PTPRD: variants seen among roughly 807,000 people sequenced by gnomAD.
PTPRD encodes the protein receptor-type tyrosine-protein phosphatase delta.
A neutral mutation model predicts 214.5 loss-of-function variants in PTPRD; 34 were observed. The ratio of observed to expected loss-of-function variants is 0.16; its 90% confidence interval spans 0.12 to 0.21. PTPRD has a LOEUF of 0.21. Among genes scored for constraint, PTPRD ranks in the 10% least tolerant of loss-of-function variants. The probability of loss-of-function intolerance (pLI) is 1.00; values close to 1 mark genes in which losing one functional copy is unlikely to be tolerated. For missense variants in PTPRD, 2,545 were observed against 2,398.7 expected, an observed-to-expected ratio of 1.06 and a Z score of -1.27; for synonymous variants, 1,128 against 845.7, an observed-to-expected ratio of 1.33 and a Z score of -5.79.
chr9:8,983,064 G>A (rs1202461742), intron 11 of PTPRD, among the ~76,000 whole-genome samples: 3 of 151,768 alleles, frequency 2.0e-5, no homozygotes, highest in Non-Finnish European at 2.9e-5. Context: ...CTATTTGATG[G>A]GATACACTTT....
intron 2 of PTPRD, among the ~76,000 whole-genome samples, chr9:10,359,599 C>T (rs1271226727): frequency 1.3e-5 from 2 of 152,080 alleles, no homozygotes; most frequent in Non-Finnish European, 2.9e-5. Context: ...GGAAGAAAAG[C>T]AGTATTAACT....
At chr9:10,372,771 CA>C (rs1210161745) in intron 2 of PTPRD, among the ~76,000 whole-genome samples, 2 of 151,676 alleles carry the variant, frequency 1.3e-5, no homozygotes, top group African/African-American at 4.8e-5. Flanking sequence ...AATCTCATTA[CA>C]AAGTGTGACT....
chr9:9,570,061 A>G (rs1385769930), intron 8 of PTPRD, among the ~76,000 whole-genome samples: 1 of 151,548 alleles, frequency 6.6e-6, no homozygotes, highest in East Asian at 1.9e-4. Context: ...ACAGAACTGC[A>G]CTTTAACAAT....
intron 9 of PTPRD, among the ~76,000 whole-genome samples, chr9:9,249,646 T>C (rs933107257): frequency 7.9e-5 from 12 of 152,082 alleles, no homozygotes; most frequent in African/African-American, 2.9e-4. Flanking sequence ...CAACTTTATT[T>C]GAACAGTTAG....
chr9:10,527,774 T>C (rs1416246240), intron 2 of PTPRD, among the ~76,000 whole-genome samples: 2 of 152,156 alleles, frequency 1.3e-5, no homozygotes, highest in South Asian at 2.1e-4. Context: ...AGCCATTATA[T>C]CAGCAGATGG....
At chr9:9,368,010 G>A (rs1278951318) in intron 9 of PTPRD, among the ~76,000 whole-genome samples, 2 of 151,706 alleles carry the variant, frequency 1.3e-5, no homozygotes, top group African/African-American at 4.8e-5. Flanking sequence ...AGTCTGGCAT[G>A]ATTAAACTTC....
Position 10,392,665 on chromosome 9 carries a change from G to A in PTPRD, c.-599-51648C>T, listed in dbSNP as rs536513411. Among the ~76,000 whole-genome samples the A allele has an allele frequency of 2.2e-4, 34 of 151,932 alleles. 1 individual carries two copies. The South Asian group carries it at 6.2e-3, about 28-fold the overall frequency. On this transcript the variant is annotated intron_variant, in intron 2 of 45. Coordinates refer to ENST00000381196, the MANE Select transcript of PTPRD (RefSeq NM_002839.4). ...AGAGTTAGAGCATGCATTTTAATGG[G>A]AATCCAGAGAAGAGAATTCGGAATT...
At chr9:8,819,294 A>G (rs1452876538) in intron 11 of PTPRD, among the ~76,000 whole-genome samples, 2 of 152,106 alleles carry the variant, frequency 1.3e-5, no homozygotes, top group Non-Finnish European at 1.5e-5. Context: ...CTAATACAAC[A>G]TATGTGAGGT....
intron 9 of PTPRD, among the ~76,000 whole-genome samples, chr9:9,213,664 C>A (rs2099950288): frequency 6.6e-6 from 1 of 152,100 alleles, no homozygotes; most frequent in Non-Finnish European, 1.5e-5. Context: ...ATGCAAAAGG[C>A]ACAGTTAGCA....
chr9:10,497,885 AT>A (rs2042552983), intron 2 of PTPRD, among the ~76,000 whole-genome samples: 1 of 152,050 alleles, frequency 6.6e-6, no homozygotes, highest in African/African-American at 2.4e-5. Flanking sequence ...TAAACAAAAT[AT>A]TTAAAAATGT....
At chr9:10,428,496 C>T (rs558206761) in intron 2 of PTPRD, among the ~76,000 whole-genome samples, 2 of 152,104 alleles carry the variant, frequency 1.3e-5, no homozygotes, top group South Asian at 2.1e-4. Flanking sequence ...TGTCTCAATG[C>T]TGTTGATACC....
intron 8 of PTPRD, among the ~76,000 whole-genome samples, chr9:9,572,274 G>A (rs1457778571): frequency 1.3e-5 from 2 of 151,254 alleles, no homozygotes; most frequent in Non-Finnish European, 3.0e-5. Context: ...CTTCTATCAT[G>A]ACTGATTTTC....
intron 2 of PTPRD, among the ~76,000 whole-genome samples, chr9:10,388,206 G>C (rs887374754): frequency 2.0e-5 from 3 of 151,750 alleles, no homozygotes; most frequent in Non-Finnish European, 2.9e-5. Flanking sequence ...GTATTTGTAA[G>C]GTAAGGAAAT....
chr9:9,918,370 A>AAC (rs1555333235), intron 5 of PTPRD, among the ~76,000 whole-genome samples: 2,162 of 142,572 alleles, frequency 0.015, 30 homozygotes, highest in Non-Finnish European at 0.027. Context: ...AAAAAAAAAA[A>AAC]CTCCACAATG....
At chr9:8,568,536 T>A (rs2090117887) in intron 14 of PTPRD, among the ~76,000 whole-genome samples, 1 of 152,156 alleles carries the variant, frequency 6.6e-6, no homozygotes, top group South Asian at 2.1e-4. Flanking sequence ...ATTATTAACC[T>A]TCGGTAAAAC....
intron 5 of PTPRD, among the ~76,000 whole-genome samples, chr9:9,872,979 A>C (rs767543767): frequency 1.3e-5 from 2 of 152,162 alleles, no homozygotes; most frequent in Non-Finnish European, 2.9e-5. Flanking sequence ...ATGTCTAAGC[A>C]CTTTACAATT....
chr9:9,821,702 T>C (rs897299821), intron 5 of PTPRD, among the ~76,000 whole-genome samples: 3 of 151,924 alleles, frequency 2.0e-5, no homozygotes, highest in Non-Finnish European at 2.9e-5. Context: ...TCAATAGCCC[T>C]CTGAAATAGG....
intron 3 of PTPRD, among the ~76,000 whole-genome samples, chr9:10,290,758 G>A (rs1261990850): frequency 1.3e-5 from 2 of 152,052 alleles, no homozygotes; most frequent in Admixed American, 1.3e-4. Flanking sequence ...AGATAATAAA[G>A]TATAATAAAT....
intron 4 of PTPRD, among the ~76,000 whole-genome samples, chr9:9,976,407 G>A (rs2154056782): frequency 6.6e-6 from 1 of 151,274 alleles, no homozygotes; most frequent in South Asian, 2.1e-4. Flanking sequence ...TTTTTTTTGA[G>A]ACAGAGTCTT....
Sources: gnomAD v4.1 joint callset for allele counts (sites outside exome capture counted in the v4.1 genomes callset) on GRCh38, gnomAD v4.1.1 for gene constraint, MANE v1.5 for transcripts, NCBI Gene and HGNC (gene_info 2026-07-23, HGNC 2026-07-21) for gene names.